The following TAFA5 variants were observed in gnomAD, a reference collection of about 807,000 sequenced individuals.
TAFA5 encodes the protein chemokine-like protein TAFA-5.
Under a neutral mutation model 15.3 loss-of-function variants are expected in TAFA5, and 6 were observed. The ratio of observed to expected loss-of-function variants is 0.39; its 90% CI spans 0.21 to 0.77. TAFA5 has a LOEUF of 0.77. TAFA5 is among the 30% of genes least tolerant of loss of function. TAFA5 has a pLI of 0.41. For missense variants in TAFA5, 161 were observed against 193.1 expected, an observed-to-expected ratio of 0.83 and a Z score of 0.98; for synonymous variants, 103 against 80.7, an observed-to-expected ratio of 1.28 and a Z score of -1.48.
At chr22:48,555,566 AAAC>A (rs1470984453) in intron 1 of TAFA5, among the ~76,000 whole-genome samples, 2 of 152,164 alleles carry the variant, frequency 1.3e-5, no homozygotes, top group East Asian at 1.9e-4. Flanking sequence ...GACAAGGCAA[AAAC>A]AACAACAAAA....
chr22:48,702,963 C>T (rs888216500), intron 2 of TAFA5, among the ~76,000 whole-genome samples: 2 of 152,248 alleles, frequency 1.3e-5, no homozygotes, highest in African/African-American at 2.4e-5. Context: ...AGGGACGGGG[C>T]AGGCCTGCTG....
intron 1 of TAFA5, chr22:48,544,932 G>A (rs933525109): frequency 2.1e-6 from 1 of 465,610 alleles, no homozygotes. Flanking sequence ...GGCCCTACGG[G>A]TGTGAAGGAA....
chr22:48,575,439 T>G (rs1267518855), intron 1 of TAFA5, among the ~76,000 whole-genome samples: 1 of 145,846 alleles, frequency 6.9e-6, no homozygotes, highest in South Asian at 2.1e-4. Context: ...CCCGGCCACC[T>G]GGGCCGGCAG....
At position 48,598,487 on chromosome 22, in the gene TAFA5, G is replaced by A. The variant is rs1179740292; in HGVS notation, c.113-48110G>A. Among the ~76,000 whole-genome samples the A allele has an allele frequency of 1.3e-5, 2 of 152,040 alleles. No homozygotes were observed. The highest frequency in any genetic ancestry group is 2.9e-5 in the Non-Finnish European group (2 of 68,006). ...ACACAGGAAGGGACGTCTCCTCCTG[G>A]TGCCACCTCCTGGGAGAGTGGCCAT... is the stretch of plus-strand genomic sequence containing the variant. On this transcript the variant is annotated intron_variant, in intron 1 of 3. Coordinates refer to ENST00000402357, the MANE Select transcript of TAFA5 (RefSeq NM_001082967.3). The surrounding 1 kb of genome is among the most constrained non-coding windows in gnomAD (Gnocchi z 4.0).
intron 1 of TAFA5, among the ~76,000 whole-genome samples, chr22:48,597,210 C>A (rs551826999): frequency 6.6e-6 from 1 of 152,228 alleles, no homozygotes; most frequent in Non-Finnish European, 1.5e-5. Context: ...CTTCCCTGAG[C>A]GTGTCCCCAG....
intron 2 of TAFA5, among the ~76,000 whole-genome samples, chr22:48,698,317 A>G (rs1928791202): frequency 6.6e-6 from 1 of 151,796 alleles, no homozygotes; most frequent in African/African-American, 2.4e-5. Context: ...CTCTACTAAA[A>G]ATACAAAAAT....
chr22:48,663,654 G>T (rs970064701), intron 2 of TAFA5, among the ~76,000 whole-genome samples: 1 of 152,204 alleles, frequency 6.6e-6, no homozygotes, highest in African/African-American at 2.4e-5. Context: ...TAATTTGTAA[G>T]TTTTAAATTG....
intron 2 of TAFA5, among the ~76,000 whole-genome samples, chr22:48,704,676 C>T (rs1016630668): frequency 6.6e-6 from 1 of 151,884 alleles, no homozygotes; most frequent in African/African-American, 2.4e-5. Flanking sequence ...GTTGCTTTTT[C>T]TCGGAGGGAG....
intron 1 of TAFA5, among the ~76,000 whole-genome samples, chr22:48,580,600 A>G (rs1923999638): frequency 6.6e-6 from 1 of 152,154 alleles, no homozygotes; most frequent in Non-Finnish European, 1.5e-5. Context: ...TGAGGGCTCG[A>G]GGCTGCACCG....
At chr22:48,734,132 TAAATG>T (rs1271917421) in intron 3 of TAFA5, among the ~76,000 whole-genome samples, 2 of 152,098 alleles carry the variant, frequency 1.3e-5, no homozygotes, top group African/African-American at 4.8e-5. Flanking sequence ...ATGCATGAAA[TAAATG>T]AGAGGGGAAA....
intron 1 of TAFA5, among the ~76,000 whole-genome samples, chr22:48,593,231 G>A (rs1924638427): frequency 6.6e-6 from 1 of 152,194 alleles, no homozygotes; most frequent in African/African-American, 2.4e-5. Context: ...GCAGCCTGGT[G>A]TATAAAGCGG....
chr22:48,750,245 G>A lies in TAFA5; in HGVS notation c.*398G>A, dbSNP rs532201592. 25 of 288,992 alleles carry A rather than the reference G, an allele frequency of 8.7e-5. No individual in the cohort carries two copies. The highest frequency in any genetic ancestry group is 1.4e-4 in the Non-Finnish European group (21 of 153,186). The allele number at this position is 288,992 out of a possible 1,614,324, so 17.9% of individuals were successfully genotyped here. The stretch of plus-strand genomic sequence containing the variant: ...CGACGCCTGCCCCAGGGGACTGTCA[G>A]GCACAGAAGCGGCCTCCTCCCGTGC... On this transcript the variant is annotated 3_prime_UTR_variant, in exon 4 of 4. Transcript: ENST00000402357.
chr22:48,740,932 C>T (rs1217208863), intron 3 of TAFA5, among the ~76,000 whole-genome samples: 4 of 152,148 alleles, frequency 2.6e-5, no homozygotes, highest in Non-Finnish European at 1.5e-5. Flanking sequence ...AGAACATGGC[C>T]GCAGGTCCCA....
Position 48,742,963 on chromosome 22 carries a change from GC to G in TAFA5, c.391-6873del, listed in dbSNP as rs1360940036. ...GCTGCCTGGCCCCGCCCTCAGCCCA[GC>G]CCTGGGACGCAGGCTCAGCAGCCCC... On this transcript the variant is annotated intron_variant, in intron 3 of 3. Transcript: ENST00000402357. The surrounding 1 kb of genome is among the most constrained non-coding windows in gnomAD (Gnocchi z 6.2). Among the ~76,000 whole-genome samples the G allele has an allele frequency of 6.6e-6, 1 of 152,162 alleles. No individual in the cohort carries two copies. Among genetic ancestry groups the G allele is most frequent in the African/African-American group, 2.4e-5 (1 of 41,446 alleles).
At chr22:48,588,267 G>A (rs1924432626) in intron 1 of TAFA5, among the ~76,000 whole-genome samples, 1 of 152,174 alleles carries the variant, frequency 6.6e-6, no homozygotes, top group Non-Finnish European at 1.5e-5. Context: ...CACCTCCTTT[G>A]CTCCTCAGGC....
intron 1 of TAFA5, among the ~76,000 whole-genome samples, chr22:48,515,727 A>G (rs1921381595): frequency 6.6e-6 from 1 of 152,112 alleles, no homozygotes; most frequent in East Asian, 1.9e-4. Flanking sequence ...CGGGACGGGG[A>G]GTGTGGAGGG....
chr22:48,573,018 A>G (rs1475517534), intron 1 of TAFA5, among the ~76,000 whole-genome samples: 1 of 152,222 alleles, frequency 6.6e-6, no homozygotes, highest in Admixed American at 6.5e-5. Flanking sequence ...CCCACACCTC[A>G]GGCACTGTGG....
At chr22:48,608,582 C>T (rs1254338601) in intron 1 of TAFA5, among the ~76,000 whole-genome samples, 3 of 152,168 alleles carry the variant, frequency 2.0e-5, no homozygotes, top group Non-Finnish European at 4.4e-5. Context: ...CATTGTATAG[C>T]GTTTCCTGAG....
At chr22:48,509,972 GAAAAAGA>G (rs199736647) in intron 1 of TAFA5, among the ~76,000 whole-genome samples, 39,022 of 148,162 alleles carry the variant, frequency 0.26, 6,286 homozygotes, top group Middle Eastern at 0.41. Flanking sequence ...AAAAGAAAAA[GAAAAAGA>G]AAAAAGAAAA....
Sources: allele counts gnomAD v4.1 joint callset (sites outside exome capture counted in the v4.1 genomes callset), GRCh38; gene constraint gnomAD v4.1.1; non-coding constraint Gnocchi (gnomAD v3.1); transcripts MANE v1.5; gene names NCBI Gene and HGNC (gene_info 2026-07-23, HGNC 2026-07-21).